ZNF75D: variants seen among roughly 807,000 people sequenced by gnomAD.
ZNF75D encodes the protein zinc finger protein 75D, also known as zinc finger protein 75.
In ZNF75D, 33 loss-of-function variants were observed where a neutral mutation model predicts 33.3. The observed-to-expected ratio is 0.99, with a 90% confidence interval of 0.75 to 1.32. ZNF75D has a LOEUF of 1.32. Ranked by LOEUF, ZNF75D falls within the 40% of genes most tolerant of loss-of-function variation. The pLI, the probability that ZNF75D is intolerant of heterozygous loss-of-function variation, is 0.00. For synonymous variants in ZNF75D, 113 were observed against 130.6 expected (o/e 0.87, Z 0.92); for missense variants, 338 against 367.5 (o/e 0.92, Z 0.66).
intron 4 of ZNF75D, 182 bp from the exon 5 acceptor site, chrX:135,291,745 A>G (rs1041624636): frequency 2.0e-6 from 1 of 506,014 alleles, no homozygotes; most frequent in Admixed American, 4.1e-5. Flanking sequence ...TACCACTCAT[A>G]CAACCAGTTC....
chrX:135,265,827 G>A (rs1268890315), intron 1 of ZNF75D, among the ~76,000 whole-genome samples: 2 of 111,796 alleles, frequency 1.8e-5, no homozygotes, highest in Non-Finnish European at 3.8e-5. Context: ...CTATAGCACC[G>A]TAATTGTGTT....
chrX:135,323,512 C>A lies in ZNF75D; in HGVS notation c.-391+18256G>T, dbSNP rs1031360627. Among the ~76,000 whole-genome samples the A allele has an allele frequency of 2.7e-5, 3 of 111,995 alleles. No individual in the cohort carries two copies. In the Admixed American group the frequency reaches 2.8e-4, roughly 11 times the overall value. On this transcript the variant is annotated intron_variant, in intron 1 of 6. Transcript: ENST00000370766. ...TCTTCCTCCATATGAGTGACCACCT[C>A]ATGGGCACATAGATTGCACAGGGCA... is the stretch of plus-strand genomic sequence containing the variant.
chrX:135,285,366 T>C (rs1301490459), downstream of ZNF75D, among the ~76,000 whole-genome samples: 16 of 112,016 alleles, frequency 1.4e-4, no homozygotes, highest in Non-Finnish European at 2.8e-4. Flanking sequence ...CTAGCTGAAT[T>C]GGGACATCAG....
intron 1 of ZNF75D, among the ~76,000 whole-genome samples, chrX:135,269,662 T>C (rs1463420307): frequency 1.8e-5 from 2 of 111,422 alleles, no homozygotes; most frequent in Admixed American, 1.9e-4. Flanking sequence ...TATAAATTAC[T>C]ACAACTGCCA....
intron 1 of ZNF75D, among the ~76,000 whole-genome samples, chrX:135,259,776 A>T (rs782764967): frequency 4.8e-4 from 54 of 111,672 alleles, no homozygotes; most frequent in Non-Finnish European, 7.1e-4. Flanking sequence ...CTAATTGAAT[A>T]CCCTTTATTT....
intron 1 of ZNF75D, among the ~76,000 whole-genome samples, chrX:135,315,580 C>G (rs2084410266): frequency 8.9e-6 from 1 of 112,004 alleles, no homozygotes; most frequent in South Asian, 3.6e-4. Flanking sequence ...ATCTTTAGAT[C>G]TAGTAATATT....
At chrX:135,271,756 G>C (rs782656100) in intron 1 of ZNF75D, among the ~76,000 whole-genome samples, 1 of 111,450 alleles carries the variant, frequency 9.0e-6, no homozygotes, top group African/African-American at 3.3e-5. Context: ...GCAGTTTGTT[G>C]GTCTCATATA....
At chrX:135,289,627 GACACACACACACACACACACACACACAC>G (rs60550937) in intron 6 of ZNF75D, among the ~76,000 whole-genome samples, 5 of 88,911 alleles carry the variant, frequency 5.6e-5, no homozygotes, top group Non-Finnish European at 1.1e-4. Context: ...CACACACACA[GACACACACACACACACACACACACACAC>G]ACACACACAC....
chrX:135,269,560 C>T (rs781825911), intron 1 of ZNF75D, among the ~76,000 whole-genome samples: 57 of 112,193 alleles, frequency 5.1e-4, no homozygotes, highest in African/African-American at 1.8e-3. Flanking sequence ...CATCTCACCA[C>T]AGCTAACGTG....
At chrX:135,257,518 T>C (rs2083809747) in intron 1 of ZNF75D, among the ~76,000 whole-genome samples, 1 of 113,072 alleles carries the variant, frequency 8.8e-6, no homozygotes. Context: ...AAAAGGTAAA[T>C]TGCGAAGGTA....
chrX:135,324,585 C>A lies in ZNF75D; in HGVS notation c.-391+17183G>T, dbSNP rs1162008053. ...AGTTTCTTGCCTCAGGACACATACA[C>A]CTCTGTGACACCAGTAACACTGTAG... On this transcript the variant is annotated intron_variant, in intron 1 of 6. Transcript: ENST00000370766. 9.8e-5 allele frequency among the ~76,000 whole-genome samples: 11 copies of A among 112,603 alleles called. No individual in the cohort carries two copies. The Admixed American group carries it at 1.0e-3, about 11-fold the overall frequency.
At chrX:135,293,642 ATCTG>A (rs2084080506) in intron 3 of ZNF75D, 84 bp downstream of exon 3, 2 of 921,901 alleles carry the variant, frequency 2.2e-6, no homozygotes, top group African/African-American at 3.9e-5. Flanking sequence ...GAGCGACTTA[ATCTG>A]TCTAATTCTC....
chrX:135,273,822 G>C (rs1360026293), intron 1 of ZNF75D, among the ~76,000 whole-genome samples: 1 of 111,988 alleles, frequency 8.9e-6, no homozygotes, highest in African/African-American at 3.2e-5. Context: ...TTGGAATCTG[G>C]AGTTTGCTGT....
chrX:135,281,350 C>A (rs2083919270), downstream of ZNF75D, among the ~76,000 whole-genome samples: 1 of 109,587 alleles, frequency 9.1e-6, no homozygotes, highest in South Asian at 3.9e-4. Context: ...CATTTGTGTT[C>A]TGCTCTAAAC....
rs781921532 is a variant in ZNF75D at position 135,327,184 on chromosome X, AATGACAGTCCCCACCCTACC to A, written c.-391+14564_-391+14583del. Reference sequence around the variant, plus strand: ...TAATGATGTTTTACTAATTTGGACAAATGACAGTCCCCACCCTACCATTATACAGCAGGGGTGGAGTTCAT... The same window carrying A: ...TAATGATGTTTTACTAATTTGGACAAATTATACAGCAGGGGTGGAGTTCAT... On this transcript the variant is annotated intron_variant, in intron 1 of 6. Coordinates refer to ENST00000370766, the MANE Select transcript of ZNF75D (RefSeq NM_007131.5). Among the ~76,000 whole-genome samples the A allele has an allele frequency of 6.3e-5, 7 of 111,963 alleles. No homozygotes were observed. In the East Asian group the frequency reaches 2.0e-3, roughly 32 times the overall value.
chrX:135,277,748 C>G (rs887832202), intron 1 of ZNF75D, among the ~76,000 whole-genome samples: 1 of 112,131 alleles, frequency 8.9e-6, no homozygotes, highest in Middle Eastern at 4.6e-3. Flanking sequence ...ATAAGGAATC[C>G]TTTCCCCATT....
At position 135,337,436 on chromosome X, in the gene ZNF75D, C is replaced by A. The variant is rs782511677; in HGVS notation, c.-391+4332G>T. ...ACTATACTGCCATAATGTCAATTAT[C>A]CAGAGAGAACCACTCAAATTTTTAC... is the stretch of plus-strand genomic sequence containing the variant. On this transcript the variant is annotated intron_variant, in intron 1 of 6. Transcript: ENST00000370766. Among the ~76,000 whole-genome samples the A allele has an allele frequency of 4.1e-5, 4 of 97,564 alleles. No individual in the cohort carries two copies. The South Asian group carries it at 2.3e-3, about 56-fold the overall frequency. The allele number at this position is 97,564 out of a possible 115,157, so 84.7% of individuals were successfully genotyped here.
chrX:135,266,259 A>C (rs1556416313), intron 1 of ZNF75D, among the ~76,000 whole-genome samples: 1 of 111,865 alleles, frequency 8.9e-6, no homozygotes. Context: ...AAAATTGCAG[A>C]AGTAAGTTCC....
In ZNF75D at chrX:135,328,492, C is replaced by G. The variant is rs4240103; in HGVS notation, c.-391+13276G>C. ...TCCTGCCCTAGATAAATGGGAATGA[C>G]AGTTGCACCCACCTCAAGGTGTTAT... On this transcript the variant is annotated intron_variant, in intron 1 of 6. Transcript: ENST00000370766. Among the ~76,000 whole-genome samples, 237 of 111,690 alleles carry G rather than the reference C, an allele frequency of 2.1e-3. 1 individual carries two copies. The highest frequency in any genetic ancestry group is 3.3e-3 in the Non-Finnish European group (176 of 53,096).
Sources: allele counts gnomAD v4.1 joint callset (sites outside exome capture counted in the v4.1 genomes callset), GRCh38; gene constraint gnomAD v4.1.1; transcripts MANE v1.5; gene names NCBI Gene and HGNC (gene_info 2026-07-23, HGNC 2026-07-21).